PPM1G: variants seen among roughly 807,000 people sequenced by gnomAD.
PPM1G encodes the protein protein phosphatase, Mg2+/Mn2+ dependent 1G.
Under a neutral mutation model 59.4 loss-of-function variants are expected in PPM1G, and 12 were observed. The ratio of observed to expected loss-of-function variants is 0.20; its 90% CI spans 0.13 to 0.33. The LOEUF is 0.33. PPM1G is among the 10% of genes least tolerant of loss of function. The pLI, the probability that PPM1G is intolerant of heterozygous loss-of-function variation, is 1.00. For synonymous variants in PPM1G, 245 were observed against 251.9 expected (o/e 0.97, Z 0.26); for missense variants, 392 against 681.3 (o/e 0.58, Z 4.73).
Position 27,385,655 on chromosome 2 carries a change from A to T in PPM1G, c.409+92T>A. 6.6e-7 allele frequency: 1 copy of T among 1,509,154 alleles called. No individual in the cohort carries two copies. The allele number at this position is 1,509,154 out of a possible 1,614,324, so 93.5% of individuals were successfully genotyped here. A position where few individuals can be genotyped will look rare whatever the true frequency, so the allele number is the denominator to read the frequency against. ...TAACATAAGGACTCCCCAGGTCCCT[A>T]GAAAGCCATCCTATCTTAGAATTGA... On this transcript the variant is annotated intron_variant, in intron 4 of 9. Coordinates refer to ENST00000344034, the MANE Select transcript of PPM1G (RefSeq NM_177983.3). The surrounding 1 kb of genome is among the most constrained non-coding windows in gnomAD (Gnocchi z 4.1).
chr2:27,406,273 T>C (rs1345579374), intron 1 of PPM1G, among the ~76,000 whole-genome samples: 2 of 152,106 alleles, frequency 1.3e-5, no homozygotes, highest in African/African-American at 2.4e-5. Flanking sequence ...TTCAGAGGAA[T>C]GGGAGTACTT....
chr2:27,403,210 G>A (rs1572669568), intron 1 of PPM1G, among the ~76,000 whole-genome samples: 1 of 152,190 alleles, frequency 6.6e-6, no homozygotes, highest in South Asian at 2.1e-4. Context: ...TTGGGAGGCT[G>A]AGGCGGGCAG....
intron 1 of PPM1G, among the ~76,000 whole-genome samples, chr2:27,392,296 T>TTTTTG (rs1553313469): frequency 1.4e-5 from 2 of 142,552 alleles, no homozygotes; most frequent in African/African-American, 5.4e-5. Context: ...GTTTTTTTTT[T>TTTTTG]TTTTTTTTTT....
intron 1 of PPM1G, among the ~76,000 whole-genome samples, chr2:27,406,407 A>C (rs1332096673): frequency 1.3e-5 from 2 of 152,234 alleles, no homozygotes; most frequent in Non-Finnish European, 2.9e-5. Context: ...CTATCAATGA[A>C]GCAGAATAGG....
intron 1 of PPM1G, among the ~76,000 whole-genome samples, chr2:27,406,682 A>G (rs1384233819): frequency 2.0e-5 from 3 of 152,204 alleles, no homozygotes; most frequent in African/African-American, 7.2e-5. Context: ...GAAGCAGCAA[A>G]TAGTATGGAA....
chr2:27,381,386 G>A lies in PPM1G; in HGVS notation c.*213C>T, dbSNP rs1572658198. The A allele has an allele frequency of 1.7e-6, 1 of 592,868 alleles. No individual in the cohort carries two copies. The allele number at this position is 592,868 out of a possible 1,614,324, so 36.7% of individuals were successfully genotyped here. A position where few individuals can be genotyped will look rare whatever the true frequency, so the allele number is the denominator to read the frequency against. ...AGAGCACAGGCACAGAACCGGTGAT[G>A]AGCCCGAGGAGCAGAGGCGGCTGGG... On this transcript the variant is annotated 3_prime_UTR_variant, in exon 10 of 10. Coordinates refer to ENST00000344034, the MANE Select transcript of PPM1G (RefSeq NM_177983.3).
In PPM1G at chr2:27,392,286, G is replaced by GTTTTTTTTTTTTT. The variant is rs70953857; in HGVS notation, c.121-5141_121-5129dup. On this transcript the variant is annotated intron_variant, in intron 1 of 9. Coordinates refer to ENST00000344034, the MANE Select transcript of PPM1G (RefSeq NM_177983.3). ...TTACTTTGTTTTGTTGGTTTGTTTT[G>GTTTTTTTTTTTTT]TTTTTTTTTTTTTTTTTTTTTTTTG... 5.7e-4 allele frequency among the ~76,000 whole-genome samples: 40 copies of GTTTTTTTTTTTTT among 70,434 alleles called. 4 individuals carry two copies. The highest frequency in any genetic ancestry group is 2.1e-3 in the African/African-American group (34 of 16,250). 46.2% of individuals were successfully genotyped at this position (70,434 alleles called of 152,430 possible). A position where few individuals can be genotyped will look rare whatever the true frequency, so the allele number is the denominator to read the frequency against.
At chr2:27,399,345 AAGAT>A (rs1183192880) in intron 1 of PPM1G, among the ~76,000 whole-genome samples, 1 of 152,210 alleles carries the variant, frequency 6.6e-6, no homozygotes, top group Non-Finnish European at 1.5e-5. Context: ...TTCTCCAAAG[AAGAT>A]ACACAAATGT....
chr2:27,387,822 G>A (rs573822173), intron 1 of PPM1G, among the ~76,000 whole-genome samples: 122 of 151,068 alleles, frequency 8.1e-4, no homozygotes, highest in Middle Eastern at 6.9e-3. Context: ...TTTTTGAGAC[G>A]GAGTCTCGCT....
At chr2:27,392,291 T>TG (rs1683926235) in intron 1 of PPM1G, among the ~76,000 whole-genome samples, 1 of 87,590 alleles carries the variant, frequency 1.1e-5, no homozygotes, top group Non-Finnish European at 2.4e-5. Context: ...GTTTTGTTTT[T>TG]TTTTTTTTTT....
intron 1 of PPM1G, among the ~76,000 whole-genome samples, chr2:27,405,108 C>G: frequency 6.7e-6 from 1 of 149,578 alleles, no homozygotes; most frequent in Non-Finnish European, 1.5e-5. Flanking sequence ...GAGTCTCACC[C>G]TGTCGCCCAG....
chr2:27,388,858 G>A (rs1439871632), intron 1 of PPM1G, among the ~76,000 whole-genome samples: 2 of 138,288 alleles, frequency 1.4e-5, no homozygotes, highest in Non-Finnish European at 3.0e-5. Context: ...CAGGGCGACA[G>A]AGCAAGACTC....
chr2:27,386,120 A>C, intron 3 of PPM1G, 74 bp downstream of exon 3: 2 of 1,419,526 alleles, frequency 1.4e-6, no homozygotes, highest in Middle Eastern at 2.3e-4. Context: ...ACAAAAAGAA[A>C]GGAAAAGCCC....
chr2:27,398,282 G>C (rs1370093101), intron 1 of PPM1G, among the ~76,000 whole-genome samples: 1 of 152,112 alleles, frequency 6.6e-6, no homozygotes, highest in East Asian at 1.9e-4. Flanking sequence ...TAAACAAATA[G>C]TGCTGGGACA....
Position 27,381,552 on chromosome 2 carries a change from C to A in PPM1G, c.*47G>T. 1 of 1,607,346 alleles carries A rather than the reference C, an allele frequency of 6.2e-7. No homozygotes were observed. The highest frequency in any genetic ancestry group is 8.5e-7 in the Non-Finnish European group (1 of 1,174,036). On this transcript the variant is annotated 3_prime_UTR_variant, in exon 10 of 10. Coordinates refer to ENST00000344034, the MANE Select transcript of PPM1G (RefSeq NM_177983.3). ...AAAAGACAAAACTCAGTCTCAGGTC[C>A]GGAGGGCTCAGAAAACAGTCTAGGT...
chr2:27,381,422 G>C lies in PPM1G; in HGVS notation c.*177C>G, dbSNP rs1334655147. ...GCAGAGGCGGCTGGGAAGGACAGCA[G>C]AGGCTCCCGGCTGCAGTGTGGAGGG... On this transcript the variant is annotated 3_prime_UTR_variant, in exon 10 of 10. Transcript: ENST00000344034. 2 of 662,936 alleles carry C rather than the reference G, an allele frequency of 3.0e-6. No individual in the cohort carries two copies. The highest frequency in any genetic ancestry group is 5.2e-6 in the Non-Finnish European group (2 of 384,920). 41.1% of individuals were successfully genotyped at this position (662,936 alleles called of 1,614,324 possible).
At position 27,385,752 on chromosome 2, in the gene PPM1G, T is replaced by C. The variant is rs770974463; in HGVS notation, c.404A>G (p.Asp135Gly). The C allele has an allele frequency of 1.9e-6, 3 of 1,612,316 alleles. No homozygotes were observed. Among genetic ancestry groups the C allele is most frequent in the Non-Finnish European group, 1.7e-6 (2 of 1,179,538 alleles). ...EDEKEKVADEDDVDNEEAALL... is the reference protein window; with the variant it reads ...EDEKEKVADEGDVDNEEAALL... ...ACAAGGGATGCCACACTCACCATCA[T>C]CTTCATCAGCTACTTTTTCTTTTTC... The change falls in exon 4 of 10, where the codon GAT becomes GGT. Residue 135 changes from aspartate (D) to glycine (G), a missense_variant. Physicochemically the swap from Asp to Gly is moderately conservative, Grantham distance 94. This residue lies in a region of PPM1G where 188 missense variants were observed against 248.8 expected (regional missense o/e 0.76). Transcript: ENST00000344034. This position sits in a 1 kb window ranked among gnomAD's most constrained non-coding sequence, Gnocchi z 4.1.
At position 27,385,049 on chromosome 2, in the gene PPM1G, G is replaced by A; in HGVS notation, c.449C>T (p.Thr150Ile). ...TGTCAGCAGCTCTTCAATAGTCATG[G>A]TAGCCTCTTCATGCAGCAGTGCAGC... ...EEAALLHEEA[T>I]MTIEELLTRY... The change falls in exon 5 of 10, where the codon ACC becomes ATC. Residue 150 changes from threonine (T) to isoleucine (I), a missense_variant. Physicochemically the swap from Thr to Ile is moderately conservative, Grantham distance 89. This residue lies in a region of PPM1G where 188 missense variants were observed against 248.8 expected (regional missense o/e 0.76). Coordinates refer to ENST00000344034, the MANE Select transcript of PPM1G (RefSeq NM_177983.3). This position sits in a 1 kb window ranked among gnomAD's most constrained non-coding sequence, Gnocchi z 4.1. 1.2e-6 allele frequency: 2 copies of A among 1,612,660 alleles called. No individual in the cohort carries two copies. The highest frequency in any genetic ancestry group is 1.7e-6 in the Non-Finnish European group (2 of 1,179,710).
rs1472163814 is a variant in PPM1G at position 27,385,680 on chromosome 2, ATAAG to A, written c.409+63_409+66del. 44 of 1,558,554 alleles carry A rather than the reference ATAAG, an allele frequency of 2.8e-5. No homozygotes were observed. In the Admixed American group the frequency reaches 3.1e-4, roughly 11 times the overall value. On this transcript the variant is annotated intron_variant, in intron 4 of 9. Coordinates refer to ENST00000344034, the MANE Select transcript of PPM1G (RefSeq NM_177983.3). This position sits in a 1 kb window ranked among gnomAD's most constrained non-coding sequence, Gnocchi z 4.1. ...AGAAAGCCATCCTATCTTAGAATTG[ATAAG>A]TAATATTAAAGAATATTTCTTAAAA... is the stretch of plus-strand genomic sequence containing the variant.
Sources: gnomAD v4.1 joint callset for allele counts (sites outside exome capture counted in the v4.1 genomes callset) on GRCh38, gnomAD v4.1.1 for gene constraint, gnomAD v4.1.1 regional missense constraint, Gnocchi (gnomAD v3.1) non-coding constraint, MANE v1.5 for transcripts, NCBI Gene and HGNC (gene_info 2026-07-23, HGNC 2026-07-21) for gene names.